The following PRKN variants were observed in gnomAD, a reference collection of about 807,000 sequenced individuals.
PRKN encodes E3 ubiquitin-protein ligase parkin.
PRKN carries 56 observed loss-of-function variants against 59.5 expected under a neutral mutation model. The observed-to-expected ratio is 0.94, with a 90% CI of 0.76 to 1.18. PRKN has a LOEUF of 1.18. Ranked by LOEUF, PRKN falls within the 50% of genes most tolerant of loss-of-function variation. The pLI is 0.00. For synonymous variants in PRKN, 250 were observed against 222.1 expected (o/e 1.13, Z -1.12); for missense variants, 657 against 596.4 (o/e 1.10, Z -1.06).
intron 2 of PRKN, chr6:162,266,363 A>T (rs914695192): frequency 1.3e-5 from 2 of 151,398 alleles, no homozygotes; most frequent in African/African-American, 4.9e-5. Flanking sequence ...CTTCCAACTT[A>T]TTTTAGAAAT....
intron 7 of PRKN, among the ~76,000 whole-genome samples, chr6:161,696,699 C>G (rs768735476): frequency 6.6e-6 from 1 of 152,166 alleles, no homozygotes; most frequent in Non-Finnish European, 1.5e-5. Context: ...TAATTCTACC[C>G]TCTTACAAAG....
intron 6 of PRKN, among the ~76,000 whole-genome samples, chr6:161,887,258 G>C (rs1481879426): frequency 1.3e-5 from 2 of 152,164 alleles, no homozygotes; most frequent in Admixed American, 1.3e-4. Flanking sequence ...AATGGTTACA[G>C]AGGTAGTACT....
intron 6 of PRKN, among the ~76,000 whole-genome samples, chr6:161,841,693 G>C (rs1792993796): frequency 6.6e-6 from 1 of 152,066 alleles, no homozygotes; most frequent in Admixed American, 6.5e-5. Flanking sequence ...CTCAATTTTA[G>C]CAAGATCTGG....
In PRKN at chr6:162,268,102, G is replaced by A. The variant is rs140719663; in HGVS notation, c.172-5337C>T. Among the ~76,000 whole-genome samples, 61 of 152,124 alleles carry A rather than the reference G, an allele frequency of 4.0e-4. No homozygotes were observed. The East Asian group carries it at 7.9e-3, about 20-fold the overall frequency. On this transcript the variant is annotated intron_variant, in intron 2 of 11. Coordinates refer to ENST00000366898, the MANE Select transcript of PRKN (RefSeq NM_004562.3). ...AAAAACATATAGAATATACTTAGCCGTATATTGCAGACCATTACAGGTTTT... is the reference window on the plus strand; with the variant it reads ...AAAAACATATAGAATATACTTAGCCATATATTGCAGACCATTACAGGTTTT...
intron 1 of PRKN, among the ~76,000 whole-genome samples, chr6:162,504,399 T>C (rs1406514254): frequency 6.6e-6 from 1 of 152,276 alleles, no homozygotes; most frequent in East Asian, 1.9e-4. Flanking sequence ...CCCAGGGCTC[T>C]GGGAGGATAA....
intron 1 of PRKN, among the ~76,000 whole-genome samples, chr6:162,688,408 T>C (rs183238569): frequency 5.6e-4 from 85 of 152,284 alleles, no homozygotes; most frequent in African/African-American, 1.9e-3. Context: ...AACCTCTACA[T>C]GTAAGATTTG....
rs1459082990 is a variant in PRKN at position 162,275,806 on chromosome 6, C to T, written c.172-13041G>A. ...GTCTCAAAAAAAAAAAACGAAATTA[C>T]AGACACACACATATTAATGATGTCC... On this transcript the variant is annotated intron_variant, in intron 2 of 11. Transcript: ENST00000366898. Among the ~76,000 whole-genome samples the T allele has an allele frequency of 1.1e-4, 16 of 151,446 alleles. No individual in the cohort carries two copies. The Admixed American group carries it at 1.1e-3, about 10-fold the overall frequency.
chr6:161,892,720 CAG>C (rs1473329158), intron 6 of PRKN, among the ~76,000 whole-genome samples: 2 of 152,036 alleles, frequency 1.3e-5, no homozygotes, highest in Non-Finnish European at 2.9e-5. Context: ...GCCTTGGTGA[CAG>C]AGCAATATCC....
At position 162,011,517 on chromosome 6, in the gene PRKN, T is replaced by A. The variant is rs547872898; in HGVS notation, c.619-38100A>T. ...ATAATATATATTTATTATATATATA[T>A]TATATATATATATAAAACTTTCCAG... On this transcript the variant is annotated intron_variant, in intron 5 of 11. Transcript: ENST00000366898. 1.1e-4 allele frequency among the ~76,000 whole-genome samples: 10 copies of A among 94,964 alleles called. No homozygotes were observed. In the South Asian group the frequency reaches 1.5e-3, roughly 15 times the overall value. The allele number at this position is 94,964 out of a possible 152,430, so 62.3% of individuals were successfully genotyped here.
At chr6:161,496,188 G>C (rs568247411) in intron 9 of PRKN, among the ~76,000 whole-genome samples, 2 of 152,374 alleles carry the variant, frequency 1.3e-5, no homozygotes, top group Admixed American at 6.5e-5. Context: ...CTGTTAGAGA[G>C]CATCAGAATG....
intron 1 of PRKN, among the ~76,000 whole-genome samples, chr6:162,612,515 G>C (rs1328739770): frequency 3.4e-5 from 5 of 147,970 alleles, no homozygotes; most frequent in Non-Finnish European, 5.9e-5. Flanking sequence ...CTGAGGCTCT[G>C]TTTGGTCCTA....
intron 3 of PRKN, among the ~76,000 whole-genome samples, chr6:162,214,987 C>A (rs994547732): frequency 6.6e-6 from 1 of 152,250 alleles, no homozygotes; most frequent in African/African-American, 2.4e-5. Flanking sequence ...TTTATCCCTG[C>A]TAACAGCATC....
rs1292281902 is a variant in PRKN, at chr6:161,349,986, G to GTA, written c.*112_*113insTA. Reference sequence around the variant, plus strand: ...GGACTTTGAAAAAAACTTGAAGAGTGTGTGTGCGCGCGCGCGCGTGTGTGT... The same window carrying GTA: ...GGACTTTGAAAAAAACTTGAAGAGTGTATGTGTGCGCGCGCGCGCGTGTGTGT... On this transcript the variant is annotated 3_prime_UTR_variant, in exon 12 of 12. Transcript: ENST00000366898. The surrounding 1 kb of genome is among the most constrained non-coding windows in gnomAD (Gnocchi z 5.5). 1.3e-6 allele frequency: 1 copy of GTA among 756,488 alleles called. No individual in the cohort carries two copies. Among genetic ancestry groups the GTA allele is most frequent in the African/African-American group, 1.7e-5 (1 of 58,278 alleles). 46.9% of individuals were successfully genotyped at this position (756,488 alleles called of 1,614,324 possible).
chr6:162,389,290 C>T (rs530657421), intron 2 of PRKN, among the ~76,000 whole-genome samples: 1 of 152,054 alleles, frequency 6.6e-6, no homozygotes, highest in Non-Finnish European at 1.5e-5. Context: ...CCAAGAAGAG[C>T]TGGGGCACCG....
At chr6:161,637,000 C>G (rs1028985995) in intron 7 of PRKN, among the ~76,000 whole-genome samples, 2 of 152,182 alleles carry the variant, frequency 1.3e-5, no homozygotes, top group African/African-American at 4.8e-5. Flanking sequence ...CATAAAATGC[C>G]TCATCAGAAT....
At chr6:162,416,012 G>C (rs1788613454) in intron 2 of PRKN, among the ~76,000 whole-genome samples, 1 of 152,050 alleles carries the variant, frequency 6.6e-6, no homozygotes, top group Non-Finnish European at 1.5e-5. Context: ...TAAAAATTGT[G>C]ATGTCTTTAA....
At chr6:162,192,609 C>G (rs4709581) in intron 4 of PRKN, among the ~76,000 whole-genome samples, 1 of 151,082 alleles carries the variant, frequency 6.6e-6, no homozygotes, top group African/African-American at 2.4e-5. Context: ...CATGCTACCA[C>G]GCCCAGCTAA....
chr6:162,120,488 C>G (rs1780864760), intron 4 of PRKN, among the ~76,000 whole-genome samples: 2 of 152,172 alleles, frequency 1.3e-5, no homozygotes, highest in Non-Finnish European at 2.9e-5. Context: ...TCAGGATTAT[C>G]AGCTCTGAAC....
chr6:161,874,590 T>TG lies in PRKN; in HGVS notation c.735-88683_735-88682insC, dbSNP rs1255360991. 1.2e-3 allele frequency among the ~76,000 whole-genome samples: 125 copies of TG among 105,328 alleles called. 4 individuals carry two copies. The highest frequency in any genetic ancestry group is 5.5e-3 in the African/African-American group (120 of 21,718). The allele number at this position is 105,328 out of a possible 152,430, so 69.1% of individuals were successfully genotyped here. A position where few individuals can be genotyped will look rare whatever the true frequency, so the allele number is the denominator to read the frequency against. Reference sequence around the variant, plus strand: ...AAATATATATTATGTAAAATATATATTGTATGTAAAATATATATTACATAT... The same window carrying TG: ...AAATATATATTATGTAAAATATATATGTGTATGTAAAATATATATTACATAT... On this transcript the variant is annotated intron_variant, in intron 6 of 11. Coordinates refer to ENST00000366898, the MANE Select transcript of PRKN (RefSeq NM_004562.3).
Sources: allele counts gnomAD v4.1 joint callset (sites outside exome capture counted in the v4.1 genomes callset), GRCh38; gene constraint gnomAD v4.1.1; non-coding constraint Gnocchi (gnomAD v3.1); transcripts MANE v1.5; gene names NCBI Gene and HGNC (gene_info 2026-07-23, HGNC 2026-07-21).